Variants in TMEM244 observed in about 807,000 individuals in gnomAD.
TMEM244 encodes the protein transmembrane protein 244.
In TMEM244, 13 loss-of-function variants were observed where a neutral mutation model predicts 15.8. That is an observed-to-expected ratio of 0.82 (90% CI 0.53 to 1.30). The LOEUF (loss-of-function observed/expected upper bound fraction) is 1.30. Among genes scored for constraint, TMEM244 ranks in the 50% most tolerant of loss-of-function variants. The probability of loss-of-function intolerance (pLI) is 0.00; values close to 1 mark genes in which losing one functional copy is unlikely to be tolerated. For missense variants in TMEM244, 161 were observed against 144.9 expected, an observed-to-expected ratio of 1.11 and a Z score of -0.57; for synonymous variants, 45 against 48.7, an observed-to-expected ratio of 0.92 and a Z score of 0.32.
intron 2 of TMEM244, among the ~76,000 whole-genome samples, chr6:129,844,753 G>A (rs991618823): frequency 2.0e-5 from 3 of 152,212 alleles, no homozygotes; most frequent in Admixed American, 2.0e-4. Context: ...GGAGGAGGCT[G>A]AGGCTGCACG....
chr6:129,845,693 A>G (rs1382054865), intron 2 of TMEM244, 74 bp downstream of exon 2: 2 of 1,081,108 alleles, frequency 1.8e-6, no homozygotes, highest in Non-Finnish European at 2.8e-6. Context: ...AAGACATATG[A>G]AATGTTAAAT....
chr6:129,831,839 A>G (rs1776332651), intron 4 of TMEM244, among the ~76,000 whole-genome samples: 1 of 152,214 alleles, frequency 6.6e-6, no homozygotes. Flanking sequence ...TGAACCAGCT[A>G]TACTCCAAGC....
At chr6:129,848,953 T>C (rs374661577) in intron 1 of TMEM244, among the ~76,000 whole-genome samples, 1 of 152,106 alleles carries the variant, frequency 6.6e-6, no homozygotes, top group Non-Finnish European at 1.5e-5. Context: ...TCTCTGTTAG[T>C]ATTAAACTTC....
chr6:129,836,497 A>G (rs1345650846), intron 3 of TMEM244, among the ~76,000 whole-genome samples: 1 of 152,202 alleles, frequency 6.6e-6, no homozygotes, highest in Non-Finnish European at 1.5e-5. Flanking sequence ...ATTTTAAAAA[A>G]CAGAGCACCT....
Position 129,854,970 on chromosome 6 carries a change from G to A in TMEM244, c.33+6186C>T, listed in dbSNP as rs187777083. Among the ~76,000 whole-genome samples the A allele has an allele frequency of 4.8e-3, 726 of 152,240 alleles. 6 individuals carry two copies. Among genetic ancestry groups the A allele is most frequent in the Non-Finnish European group, 7.0e-3 (473 of 68,020 alleles). On this transcript the variant is annotated intron_variant, in intron 1 of 4. Coordinates refer to ENST00000368143, the MANE Select transcript of TMEM244 (RefSeq NM_001010876.2). The stretch of plus-strand genomic sequence containing the variant: ...CATGGCCTTTAAGTGGTTCACAAAG[G>A]TTATTATTCTTAACCCTGGTAACTG...
intron 1 of TMEM244, among the ~76,000 whole-genome samples, chr6:129,855,453 A>T (rs143040372): frequency 1.7e-4 from 26 of 152,268 alleles, no homozygotes; most frequent in Non-Finnish European, 3.1e-4. Flanking sequence ...ATTTTCCCCA[A>T]ATTCTCACAG....
At chr6:129,832,869 T>A (rs536460386) in intron 4 of TMEM244, among the ~76,000 whole-genome samples, 2 of 152,322 alleles carry the variant, frequency 1.3e-5, no homozygotes, top group Admixed American at 6.5e-5. Flanking sequence ...ATAACTATTG[T>A]TGGATAGGCG....
At chr6:129,838,081 A>G (rs760668717) in intron 3 of TMEM244, among the ~76,000 whole-genome samples, 1 of 151,896 alleles carries the variant, frequency 6.6e-6, no homozygotes, top group Non-Finnish European at 1.5e-5. Flanking sequence ...CCTAATAGAC[A>G]TCTACCGAAT....
intron 1 of TMEM244, among the ~76,000 whole-genome samples, chr6:129,846,233 T>A (rs1019387206): frequency 6.6e-6 from 1 of 152,206 alleles, no homozygotes; most frequent in South Asian, 2.1e-4. Context: ...CTTTTCTTAT[T>A]TCTGTTAATA....
intron 1 of TMEM244, among the ~76,000 whole-genome samples, chr6:129,851,958 G>T (rs568701251): frequency 7.4e-4 from 112 of 152,266 alleles, no homozygotes; most frequent in African/African-American, 2.6e-3. Flanking sequence ...ATTTAATAAT[G>T]TTAAAAAATT....
chr6:129,849,541 C>T (rs557501736), intron 1 of TMEM244, among the ~76,000 whole-genome samples: 1 of 152,080 alleles, frequency 6.6e-6, no homozygotes, highest in South Asian at 2.1e-4. Flanking sequence ...TGGATGTGGT[C>T]CAAGCCGTAG....
chr6:129,860,145 G>GTGTGTGTGTGTC (rs1407993279), intron 1 of TMEM244, among the ~76,000 whole-genome samples: 3 of 129,184 alleles, frequency 2.3e-5, no homozygotes, highest in African/African-American at 8.8e-5. Flanking sequence ...GTGTGTGTGT[G>GTGTGTGTGTGTC]TGTCTGTCTG....
At chr6:129,857,929 A>G (rs1776740532) in intron 1 of TMEM244, among the ~76,000 whole-genome samples, 1 of 151,742 alleles carries the variant, frequency 6.6e-6, no homozygotes, top group South Asian at 2.1e-4. Flanking sequence ...TGGTTCAGGA[A>G]CGGTTGCCAA....
chr6:129,844,929 A>C (rs1487427882), intron 2 of TMEM244, among the ~76,000 whole-genome samples: 2 of 152,236 alleles, frequency 1.3e-5, no homozygotes, highest in East Asian at 3.8e-4. Flanking sequence ...TTGTGTAAGC[A>C]CTCAATTTCT....
chr6:129,844,796 TG>T (rs575958781), intron 2 of TMEM244, among the ~76,000 whole-genome samples: 276 of 152,350 alleles, frequency 1.8e-3, no homozygotes, highest in African/African-American at 5.8e-3. Context: ...TGGGCTTGCC[TG>T]CAAGCATGCT....
At chr6:129,859,968 T>G (rs533545118) in intron 1 of TMEM244, among the ~76,000 whole-genome samples, 1 of 152,336 alleles carries the variant, frequency 6.6e-6, no homozygotes, top group South Asian at 2.1e-4. Flanking sequence ...AGAATTCAGA[T>G]AGTCAACAAC....
At chr6:129,860,810 C>T (rs1776797833) in intron 1 of TMEM244, among the ~76,000 whole-genome samples, 1 of 148,030 alleles carries the variant, frequency 6.8e-6, no homozygotes, top group South Asian at 2.1e-4. Context: ...AAGCCACTCC[C>T]TGCAAAAAAA....
At chr6:129,841,430 G>T (rs1320311234) in intron 3 of TMEM244, among the ~76,000 whole-genome samples, 2 of 143,104 alleles carry the variant, frequency 1.4e-5, no homozygotes, top group African/African-American at 5.1e-5. Flanking sequence ...GGGGGGTGGG[G>T]GGCTGGGGGT....
chr6:129,843,622 A>G lies in TMEM244; in HGVS notation c.120-19T>C. The G allele has an allele frequency of 1.9e-6, 3 of 1,578,194 alleles. No individual in the cohort carries two copies. Among genetic ancestry groups the G allele is most frequent in the Non-Finnish European group, 1.7e-6 (2 of 1,150,200 alleles). ...ATGCACCCTAAAGATGTTATAAGTG[A>G]AAACAGTTTACTCTGAATGAGGCAG... On this transcript the variant is annotated intron_variant, in intron 2 of 4. Transcript: ENST00000368143.
Sources: allele counts gnomAD v4.1 joint callset (sites outside exome capture counted in the v4.1 genomes callset), GRCh38; gene constraint gnomAD v4.1.1; transcripts MANE v1.5; gene names NCBI Gene and HGNC (gene_info 2026-07-23, HGNC 2026-07-21).